The following RBFOX1 variants were observed in gnomAD, a reference collection of about 807,000 sequenced individuals.
RBFOX1 encodes the protein RNA binding protein fox-1 homolog 1.
In RBFOX1, 8 loss-of-function variants were observed where a neutral mutation model predicts 57.7. The ratio of observed to expected loss-of-function variants is 0.14; its 90% CI spans 0.08 to 0.25. The LOEUF is 0.25. RBFOX1 is among the 10% of genes least tolerant of loss of function. The pLI, the probability that RBFOX1 is intolerant of heterozygous loss-of-function variation, is 1.00. For synonymous variants in RBFOX1, 326 were observed against 222.4 expected, an observed-to-expected ratio of 1.47 and a Z score of -4.15; for missense variants, 611 against 548.5, an observed-to-expected ratio of 1.11 and a Z score of -1.14.
chr16:6,831,126 C>T (rs189221027), intron 3 of RBFOX1, among the ~76,000 whole-genome samples: 73 of 152,286 alleles, frequency 4.8e-4, no homozygotes, highest in Non-Finnish European at 9.6e-4. Context: ...CACTAAGGTT[C>T]ATTTTATTTG....
chr16:7,642,161 A>T (rs751308157), intron 11 of RBFOX1, among the ~76,000 whole-genome samples: 1 of 152,124 alleles, frequency 6.6e-6, no homozygotes, highest in East Asian at 1.9e-4. Flanking sequence ...TAGTCCAGTG[A>T]CTGGACTGGT....
At chr16:5,454,483 A>G (rs1424248027) in intron 1 of RBFOX1, among the ~76,000 whole-genome samples, 1 of 152,222 alleles carries the variant, frequency 6.6e-6, no homozygotes, top group Non-Finnish European at 1.5e-5. Flanking sequence ...TAATATTGAA[A>G]TTGGTAGGTG....
chr16:6,910,833 C>A (rs2071383643), intron 3 of RBFOX1, among the ~76,000 whole-genome samples: 1 of 152,188 alleles, frequency 6.6e-6, no homozygotes, highest in African/African-American at 2.4e-5. Context: ...TATATCTAAG[C>A]TTATATCCAG....
intron 3 of RBFOX1, among the ~76,000 whole-genome samples, chr16:5,796,937 G>C (rs1232768208): frequency 2.0e-5 from 3 of 152,158 alleles, no homozygotes; most frequent in East Asian, 3.9e-4. Flanking sequence ...TTTGTGCCAA[G>C]CACTGCAGAA....
rs77961242 is a variant in RBFOX1 at position 5,702,497 on chromosome 16, G to A, written c.318+103536G>A. On this transcript the variant is annotated intron_variant, in intron 3 of 19. Transcript: ENST00000641259. ...GTAATCAATTAGCTAGGCCAGCGAGGAAACTAAAGGATAATTGCTGTGCAG... is the reference window on the plus strand; with the variant it reads ...GTAATCAATTAGCTAGGCCAGCGAGAAAACTAAAGGATAATTGCTGTGCAG... Among the ~76,000 whole-genome samples, 1,337 of 152,316 alleles carry A rather than the reference G, an allele frequency of 8.8e-3. 18 individuals are homozygous for A. The highest frequency in any genetic ancestry group is 0.031 in the African/African-American group (1,271 of 41,562).
In RBFOX1 at chr16:7,496,297, C is replaced by T. The variant is rs568800983; in HGVS notation, c.28-21850C>T. On this transcript the variant is annotated intron_variant, in intron 4 of 15. Coordinates refer to ENST00000550418, the MANE Select transcript of RBFOX1 (RefSeq NM_018723.4). ...AGCTGGAATTACAGGCATGTGCCACCACATCTGTCTAATTTTTGTATTTTT... is the reference window on the plus strand; with the variant it reads ...AGCTGGAATTACAGGCATGTGCCACTACATCTGTCTAATTTTTGTATTTTT... Among the ~76,000 whole-genome samples, 57 of 152,258 alleles carry T rather than the reference C, an allele frequency of 3.7e-4. 1 individual carries two copies. The highest frequency in any genetic ancestry group is 1.4e-3 in the African/African-American group (57 of 41,542).
chr16:7,116,892 G>C (rs919068367), intron 4 of RBFOX1, among the ~76,000 whole-genome samples: 5 of 152,130 alleles, frequency 3.3e-5, no homozygotes, highest in Admixed American at 1.3e-4. Context: ...TTTAAATAAT[G>C]TGTCATGTGT....
At chr16:6,768,576 A>T (rs992533269) in intron 3 of RBFOX1, among the ~76,000 whole-genome samples, 5 of 151,878 alleles carry the variant, frequency 3.3e-5, no homozygotes, top group Admixed American at 1.3e-4. Flanking sequence ...ATGAGAGAAA[A>T]AGATGGATCA....
chr16:5,956,832 G>A (rs879799033), intron 4 of RBFOX1, among the ~76,000 whole-genome samples: 10 of 146,908 alleles, frequency 6.8e-5, no homozygotes, highest in Non-Finnish European at 1.3e-4. Flanking sequence ...ACCATGCCTG[G>A]CTAATTTTTT....
At chr16:7,672,121 T>C (rs1169501006) in intron 13 of RBFOX1, among the ~76,000 whole-genome samples, 2 of 152,142 alleles carry the variant, frequency 1.3e-5, no homozygotes, top group Non-Finnish European at 2.9e-5. Context: ...CTGGTCTTAG[T>C]AGAGCTGATC....
intron 1 of RBFOX1, among the ~76,000 whole-genome samples, chr16:6,067,033 C>T (rs1163309125): frequency 6.6e-6 from 1 of 152,114 alleles, no homozygotes; most frequent in Non-Finnish European, 1.5e-5. Flanking sequence ...AAATGTCAGG[C>T]TCTGCAATTT....
intron 3 of RBFOX1, among the ~76,000 whole-genome samples, chr16:6,675,823 A>T (rs6500809): frequency 1.3e-5 from 2 of 152,044 alleles, no homozygotes; most frequent in Non-Finnish European, 2.9e-5. Flanking sequence ...ATCTCCCACC[A>T]GGCCCCTCCC....
At chr16:6,558,523 C>G (rs116892583) in intron 2 of RBFOX1, among the ~76,000 whole-genome samples, 1 of 152,188 alleles carries the variant, frequency 6.6e-6, no homozygotes, top group Non-Finnish European at 1.5e-5. Flanking sequence ...AAAAATCAGC[C>G]TCCTGATGTA....
intron 3 of RBFOX1, among the ~76,000 whole-genome samples, chr16:6,666,743 C>T (rs547659057): frequency 6.6e-6 from 1 of 152,208 alleles, no homozygotes; most frequent in South Asian, 2.1e-4. Flanking sequence ...TAAACGGTGA[C>T]TTACGAGAGT....
At chr16:7,129,862 A>G (rs915257258) in intron 4 of RBFOX1, among the ~76,000 whole-genome samples, 5 of 151,638 alleles carry the variant, frequency 3.3e-5, no homozygotes, top group Non-Finnish European at 1.5e-5. Flanking sequence ...GGGTGCATGG[A>G]TAGATGGTGG....
At chr16:7,594,969 G>A (rs568807028) in intron 7 of RBFOX1, among the ~76,000 whole-genome samples, 2 of 152,036 alleles carry the variant, frequency 1.3e-5, no homozygotes, top group Non-Finnish European at 2.9e-5. Flanking sequence ...TATAAAAAAG[G>A]TCTTTCCTTT....
chr16:5,306,231 G>A (rs2151208923), intron 1 of RBFOX1, among the ~76,000 whole-genome samples: 1 of 152,086 alleles, frequency 6.6e-6, no homozygotes, highest in South Asian at 2.1e-4. Context: ...ATAATGGTGA[G>A]TAAAGAAGAC....
At chr16:7,701,630 C>A (rs765143040) in intron 14 of RBFOX1, among the ~76,000 whole-genome samples, 12 of 152,196 alleles carry the variant, frequency 7.9e-5, no homozygotes, top group South Asian at 2.1e-4. Context: ...TGGTTTAGTT[C>A]CTCCAACTTC....
chr16:6,487,757 A>G lies in RBFOX1; in HGVS notation c.-63-166846A>G, dbSNP rs940757332. 8.3e-4 allele frequency among the ~76,000 whole-genome samples: 100 copies of G among 120,440 alleles called. 5 individuals carry two copies. Among genetic ancestry groups the G allele is most frequent in the African/African-American group, 3.1e-3 (95 of 30,470 alleles). 79.0% of individuals were successfully genotyped at this position (120,440 alleles called of 152,430 possible). A position where few individuals can be genotyped will look rare whatever the true frequency, so the allele number is the denominator to read the frequency against. On this transcript the variant is annotated intron_variant, in intron 2 of 15. Transcript: ENST00000550418. ...TATATATATATATATATATATATAA[A>G]ATATTATGCAGTGATGGGCATGTTT...
Sources: allele counts gnomAD v4.1 joint callset (sites outside exome capture counted in the v4.1 genomes callset), GRCh38; gene constraint gnomAD v4.1.1; transcripts MANE v1.5; gene names NCBI Gene and HGNC (gene_info 2026-07-23, HGNC 2026-07-21).